DHX35: variants seen among roughly 807,000 people sequenced by gnomAD.
DHX35 encodes probable ATP-dependent RNA helicase DHX35.
DHX35 carries 84 observed loss-of-function variants against 99.6 expected under a neutral mutation model. That is an observed-to-expected ratio of 0.84 (90% CI 0.71 to 1.01). DHX35 has a LOEUF of 1.01. Among genes scored for constraint, DHX35 ranks in the 50% least tolerant of loss-of-function variants. DHX35 has a pLI of 0.00. For missense variants in DHX35, 852 were observed against 888.5 expected, an observed-to-expected ratio of 0.96 and a Z score of 0.52; for synonymous variants, 331 against 316.2, an observed-to-expected ratio of 1.05 and a Z score of -0.50.
intron 1 of DHX35, among the ~76,000 whole-genome samples, chr20:38,966,521 G>A (rs2145827256): frequency 6.6e-6 from 1 of 152,214 alleles, no homozygotes; most frequent in South Asian, 2.1e-4. Flanking sequence ...AATACAAAAT[G>A]AGCTGGGTGC....
rs769280717 is a variant in DHX35, at chr20:39,006,331, G to A, written c.1197G>A (p.Ser399=). 7.4e-6 allele frequency: 12 copies of A among 1,614,098 alleles called. No individual in the cohort carries two copies. The highest frequency in any genetic ancestry group is 6.6e-5 in the South Asian group (6 of 91,066). The change falls in exon 12 of 22, where the codon TCG becomes TCA. Residue 399 remains serine (S), a synonymous_variant. Coordinates refer to ENST00000252011, the MANE Select transcript of DHX35 (RefSeq NM_021931.4). ...CAGGACGTGGTGGTCGTAGTCGCTC[G>A]GGAAAATGTTATCGCCTTTATACAG... The part of the protein sequence containing the change: ...QRAGRGGRSR[S]GKCYRLYTEE...
intron 12 of DHX35, among the ~76,000 whole-genome samples, chr20:39,010,031 A>G (rs1242043583): frequency 6.6e-6 from 1 of 152,248 alleles, no homozygotes; most frequent in Non-Finnish European, 1.5e-5. Context: ...CTGACAAAAA[A>G]CATTAAAAAA....
intron 1 of DHX35, among the ~76,000 whole-genome samples, chr20:38,967,799 C>T (rs940082317): frequency 6.6e-5 from 10 of 152,168 alleles, no homozygotes; most frequent in East Asian, 1.9e-4. Flanking sequence ...TATCCACTCC[C>T]GATTCCATGG....
intron 8 of DHX35, among the ~76,000 whole-genome samples, chr20:38,996,597 G>A (rs1025852085): frequency 2.5e-4 from 38 of 152,188 alleles, no homozygotes; most frequent in African/African-American, 8.9e-4. Context: ...TCTCTAGTAA[G>A]GAGGCCAGTT....
At chr20:39,028,644 C>T (rs192636300) in intron 19 of DHX35, 145 bp downstream of exon 19, 9 of 879,238 alleles carry the variant, frequency 1.0e-5, no homozygotes, top group Admixed American at 5.1e-5. Flanking sequence ...TTGAGGTTAG[C>T]GACATAGCTT....
chr20:39,022,359 A>ATATT (rs1752766440), intron 16 of DHX35, among the ~76,000 whole-genome samples: 2 of 152,222 alleles, frequency 1.3e-5, no homozygotes, highest in South Asian at 4.1e-4. Flanking sequence ...GGGTTTCACC[A>ATATT]TATTGGCCAG....
chr20:38,988,978 T>G lies in DHX35; in HGVS notation c.450+61T>G, dbSNP rs889958555. The G allele has an allele frequency of 1.1e-5, 18 of 1,582,320 alleles. No homozygotes were observed. In the African/African-American group the frequency reaches 2.4e-4, roughly 21 times the overall value. On this transcript the variant is annotated intron_variant, in intron 5 of 21. Transcript: ENST00000252011. ...AGGAAGAAGGTTATTTTGGGAGAAT[T>G]AAAAACATGTAGTCCTTGCTGCTGT...
intron 13 of DHX35, among the ~76,000 whole-genome samples, chr20:39,013,359 G>C (rs1339146493): frequency 6.6e-6 from 1 of 152,204 alleles, no homozygotes; most frequent in South Asian, 2.1e-4. Context: ...AGTAGTTACT[G>C]TGAAGTTTGT....
chr20:39,031,023 C>A (rs936517676), intron 20 of DHX35, among the ~76,000 whole-genome samples: 3 of 151,970 alleles, frequency 2.0e-5, no homozygotes, highest in Non-Finnish European at 4.4e-5. Context: ...ATTAGCCAGG[C>A]GTGATGGGCA....
chr20:39,002,651 A>G, intron 9 of DHX35, 121 bp from the exon 10 acceptor site: 1 of 691,904 alleles, frequency 1.4e-6, no homozygotes, highest in Non-Finnish European at 2.5e-6. Context: ...ATCCTGTACT[A>G]ATTACCTACT....
intron 13 of DHX35, among the ~76,000 whole-genome samples, chr20:39,011,502 A>AT (rs1219033936): frequency 3.3e-5 from 5 of 151,934 alleles, no homozygotes; most frequent in African/African-American, 4.8e-5. Context: ...CGCCTGGCTA[A>AT]TTTTTTATAT....
intron 21 of DHX35, 38 bp downstream of exon 21, chr20:39,034,355 C>A: frequency 6.7e-7 from 1 of 1,499,216 alleles, no homozygotes; most frequent in Admixed American, 1.7e-5. Context: ...GCCACCTGTT[C>A]ACAGCCTCTC....
chr20:39,016,678 A>G (rs1419744201), intron 14 of DHX35, among the ~76,000 whole-genome samples: 2 of 152,130 alleles, frequency 1.3e-5, no homozygotes, highest in Middle Eastern at 6.3e-3. Flanking sequence ...CATTGTTGCC[A>G]ATGCTTGTAA....
At chr20:38,979,021 T>C (rs1412520832) in intron 3 of DHX35, among the ~76,000 whole-genome samples, 1 of 152,256 alleles carries the variant, frequency 6.6e-6, no homozygotes, top group Non-Finnish European at 1.5e-5. Flanking sequence ...GATTTACTTC[T>C]GGATTTTCTG....
At chr20:38,978,089 T>A (rs1408315624) in intron 3 of DHX35, 1 of 761,940 alleles carries the variant, frequency 1.3e-6, no homozygotes, top group African/African-American at 1.7e-5. Flanking sequence ...TGCTGTCCAC[T>A]AATATGCACT....
rs112528877 is a variant in DHX35, at chr20:39,031,924, T to C, written c.1955+1149T>C. ...GGGAATCATTGGTATGGGTGGCCCA[T>C]GCAATGGTGCTGCTCTGTAACACTG... On this transcript the variant is annotated intron_variant, in intron 20 of 21. Coordinates refer to ENST00000252011, the MANE Select transcript of DHX35 (RefSeq NM_021931.4). 2.3e-3 allele frequency among the ~76,000 whole-genome samples: 353 copies of C among 152,352 alleles called. 2 individuals are homozygous for C. Among genetic ancestry groups the C allele is most frequent in the African/African-American group, 8.3e-3 (344 of 41,578 alleles).
In DHX35 at chr20:38,972,554, T is replaced by C. The variant is rs757335930; in HGVS notation, c.175-5T>C. 1.3e-6 allele frequency: 2 copies of C among 1,588,792 alleles called. No homozygotes were observed. The highest frequency in any genetic ancestry group is 4.5e-5 in the East Asian group (2 of 44,740). On this transcript the variant is annotated splice_polypyrimidine_tract_variant and splice_region_variant and intron_variant, in intron 2 of 21. Transcript: ENST00000252011. ...CTATTTGCAAGGTGTGTTATTCTTT[T>C]TCAGCTTAGGAATCATATTTTATAC... is the stretch of plus-strand genomic sequence containing the variant.
rs763893344 is a variant in DHX35 at position 39,003,851 on chromosome 20, C to T, written c.955C>T (p.Leu319=). ...HLRVLPMYAG[L]PSFEQMKVFE... is the part of the protein sequence containing the mutation. ...CCGAGTTCTCCCCATGTATGCAGGA[C>T]TGCCTTCCTTTGAGCAAATGAAAGT... The change falls in exon 11 of 22, where the codon CTG becomes TTG. Residue 319 remains leucine (L), a synonymous_variant. Transcript: ENST00000252011. 6.2e-7 allele frequency: 1 copy of T among 1,614,216 alleles called. No individual in the cohort carries two copies. Among genetic ancestry groups the T allele is most frequent in the Non-Finnish European group, 8.5e-7 (1 of 1,180,044 alleles).
chr20:38,965,397 T>C (rs534844282), intron 1 of DHX35, among the ~76,000 whole-genome samples: 1 of 152,352 alleles, frequency 6.6e-6, no homozygotes, highest in Admixed American at 6.5e-5. Context: ...CATGAACATA[T>C]CCTGTAGGCC....
Sources: allele counts gnomAD v4.1 joint callset (sites outside exome capture counted in the v4.1 genomes callset), GRCh38; gene constraint gnomAD v4.1.1; transcripts MANE v1.5; gene names NCBI Gene and HGNC (gene_info 2026-07-23, HGNC 2026-07-21).